Variants in SLCO2B1 observed in about 807,000 individuals in gnomAD.
SLCO2B1 encodes solute carrier organic anion transporter family member 2B1.
In SLCO2B1, 41 loss-of-function variants were observed where a neutral mutation model predicts 67.3. That is an observed-to-expected ratio of 0.61 (90% CI 0.47 to 0.79). The LOEUF (loss-of-function observed/expected upper bound fraction) is 0.79. Ranked by LOEUF, SLCO2B1 falls within the 30% of genes least tolerant of loss-of-function variation. The pLI is 0.00. For synonymous variants in SLCO2B1, 379 were observed against 381.4 expected (o/e 0.99, Z 0.07); for missense variants, 837 against 920.1 (o/e 0.91, Z 1.17).
chr11:75,180,998 T>G (rs989235348), intron 7 of SLCO2B1, among the ~76,000 whole-genome samples: 3 of 152,210 alleles, frequency 2.0e-5, no homozygotes, highest in African/African-American at 7.2e-5. Flanking sequence ...TTGATACCAT[T>G]GAGCCATTTA....
chr11:75,161,902 A>G (rs1949825875), intron 1 of SLCO2B1, among the ~76,000 whole-genome samples: 1 of 152,134 alleles, frequency 6.6e-6, no homozygotes, highest in African/African-American at 2.4e-5. Flanking sequence ...TGGTTACCAT[A>G]GTTACCATGT....
rs764144223 is a variant in SLCO2B1, at chr11:75,193,563, C to T, written c.1421C>T (p.Thr474Ile). The T allele has an allele frequency of 4.2e-5, 65 of 1,555,072 alleles. No individual in the cohort carries two copies. The highest frequency in any genetic ancestry group is 5.4e-5 in the Non-Finnish European group (62 of 1,149,962). ...GCSSHQIAGITHQTSAHPGLE... is the reference protein window; with the variant it reads ...GCSSHQIAGIIHQTSAHPGLE... Reference sequence around the variant, plus strand: ...TCCAGCCACCAGATTGCGGGCATCACACACCAGACCAGGTGAGTGTGTGCG... The same window carrying T: ...TCCAGCCACCAGATTGCGGGCATCATACACCAGACCAGGTGAGTGTGTGCG... Residue 474 changes from threonine to isoleucine, a missense_variant, in exon 9 of 14, where the codon ACA (threonine) becomes ATA (isoleucine). Transcript: ENST00000289575. This position sits in a 1 kb window ranked among gnomAD's most constrained non-coding sequence, Gnocchi z 4.2.
At chr11:75,178,613 C>T (rs1013498521) in intron 7 of SLCO2B1, among the ~76,000 whole-genome samples, 62 of 152,006 alleles carry the variant, frequency 4.1e-4, no homozygotes, top group African/African-American at 1.5e-3. Flanking sequence ...ACATGCCTTA[C>T]CTCACTTACT....
intron 7 of SLCO2B1, among the ~76,000 whole-genome samples, chr11:75,175,156 G>A (rs143842743): frequency 1.3e-5 from 2 of 152,260 alleles, no homozygotes; most frequent in African/African-American, 4.8e-5. Flanking sequence ...GGGGTGAGAG[G>A]TTCTTTAAAA....
In SLCO2B1 at chr11:75,193,318, C is replaced by T. The variant is rs774479653; in HGVS notation, c.1176C>T (p.Thr392=). 7 of 1,613,992 alleles carry T rather than the reference C, an allele frequency of 4.3e-6. No homozygotes were observed. The highest frequency in any genetic ancestry group is 1.7e-5 in the Admixed American group (1 of 60,002). ...CLSSMAAGMA[T]FLPKFLERQF... ...CATCCATGGCTGCGGGCATGGCCAC[C>T]TTCCTGCCCAAGTTCCTGGAGCGCC... The change falls in exon 9 of 14, where the codon ACC becomes ACT. Residue 392 remains threonine, a synonymous_variant. Coordinates refer to ENST00000289575, the MANE Select transcript of SLCO2B1 (RefSeq NM_007256.5). The surrounding 1 kb of genome is among the most constrained non-coding windows in gnomAD (Gnocchi z 4.2).
In SLCO2B1 at chr11:75,203,332, C is replaced by T. The variant is rs756488805; in HGVS notation, c.1854C>T (p.His618=). Residue 618 remains histidine, a synonymous_variant, in exon 13 of 14, where the codon CAC becomes CAT. Transcript: ENST00000289575. ...ILAWMPSPVI[H]GSAIDTTCVH... is the part of the protein sequence containing the mutation. ...CCTGGATGCCCAGCCCCGTGATCCA[C>T]GGCAGCGCCATCGACACCACCTGTG... 3.8e-5 allele frequency: 61 copies of T among 1,613,874 alleles called. No homozygotes were observed. The highest frequency in any genetic ancestry group is 1.5e-4 in the South Asian group (14 of 91,096).
intron 7 of SLCO2B1, among the ~76,000 whole-genome samples, chr11:75,182,678 G>A (rs2140326887): frequency 1.3e-5 from 2 of 152,162 alleles, no homozygotes; most frequent in Non-Finnish European, 2.9e-5. Context: ...GGAGGCAGAG[G>A]TTGCAGTGAG....
At chr11:75,184,502 T>C (rs1299928078) in intron 7 of SLCO2B1, among the ~76,000 whole-genome samples, 3 of 152,228 alleles carry the variant, frequency 2.0e-5, no homozygotes, top group Non-Finnish European at 4.4e-5. Flanking sequence ...GCAAAGGTCC[T>C]GTGTCTTACA....
At chr11:75,178,278 A>G (rs1950051404) in intron 7 of SLCO2B1, among the ~76,000 whole-genome samples, 1 of 152,122 alleles carries the variant, frequency 6.6e-6, no homozygotes, top group African/African-American at 2.4e-5. Context: ...GTATAACCAT[A>G]ACATCTGCAT....
intron 7 of SLCO2B1, among the ~76,000 whole-genome samples, chr11:75,176,863 C>A (rs1415713281): frequency 6.6e-6 from 1 of 152,144 alleles, no homozygotes; most frequent in Non-Finnish European, 1.5e-5. Context: ...GCGTCTAGAC[C>A]CTGCTGCATC....
In SLCO2B1 at chr11:75,170,126, T is replaced by C. The variant is rs147992378; in HGVS notation, c.781+362T>C. 1,137 of 240,792 alleles carry C rather than the reference T, an allele frequency of 4.7e-3. 6 individuals carry two copies. The highest frequency in any genetic ancestry group is 8.0e-3 in the Middle Eastern group (5 of 628). The allele number at this position is 240,792 out of a possible 1,614,324, so 14.9% of individuals were successfully genotyped here. On this transcript the variant is annotated intron_variant, in intron 6 of 13. Coordinates refer to ENST00000289575, the MANE Select transcript of SLCO2B1 (RefSeq NM_007256.5). ...CTGTGGGGCAGGTGGAAGAGCATAC[T>C]CTCTTGCCTGTAGGGAGCCCCTGTT...
chr11:75,166,543 T>G (rs1358697859), intron 4 of SLCO2B1, among the ~76,000 whole-genome samples: 1 of 152,054 alleles, frequency 6.6e-6, no homozygotes, highest in East Asian at 1.9e-4. Context: ...CTTTATTCCT[T>G]CCCTCTCCTA....
At chr11:75,178,093 C>CAAA (rs71804511) in intron 7 of SLCO2B1, among the ~76,000 whole-genome samples, 67 of 84,384 alleles carry the variant, frequency 7.9e-4, no homozygotes, top group African/African-American at 2.4e-3. Context: ...GATTCCATCT[C>CAAA]AAAAAAAAAA....
chr11:75,174,237 T>C (rs1565539353), intron 7 of SLCO2B1, among the ~76,000 whole-genome samples: 1 of 152,264 alleles, frequency 6.6e-6, no homozygotes, highest in Admixed American at 6.5e-5. Context: ...TGAGAAATCA[T>C]AGACAATCAT....
intron 13 of SLCO2B1, 185 bp from the exon 14 acceptor site, chr11:75,204,215 A>G: frequency 1.8e-6 from 1 of 551,166 alleles, no homozygotes; most frequent in Admixed American, 3.4e-5. Context: ...GAAGATGGCC[A>G]GGCCTCTGCT....
intron 10 of SLCO2B1, 188 bp from the exon 11 acceptor site, chr11:75,200,036 C>G (rs922352407): frequency 1.8e-6 from 1 of 569,982 alleles, no homozygotes; most frequent in African/African-American, 1.9e-5. Context: ...ACATAGACAG[C>G]CCTTGAGGTG....
chr11:75,156,093 TAGACACTGCTCACTCACTTACAGAGA>T, intron 1 of SLCO2B1, among the ~76,000 whole-genome samples: 1 of 152,226 alleles, frequency 6.6e-6, no homozygotes, highest in Non-Finnish European at 1.5e-5. Flanking sequence ...CACTGGGAGA[TAGACACTGCTCACTCACTTACAGAGA>T]AGAAAACAGG....
At chr11:75,188,055 C>T in intron 7 of SLCO2B1, 81 bp from the exon 8 acceptor site, 1 of 899,468 alleles carries the variant, frequency 1.1e-6, no homozygotes, top group Non-Finnish European at 1.8e-6. Flanking sequence ...TCTCCAAGAC[C>T]TCTCCTCCCC....
chr11:75,155,974 G>A (rs1009774861), intron 1 of SLCO2B1, among the ~76,000 whole-genome samples: 2 of 152,156 alleles, frequency 1.3e-5, no homozygotes, highest in Non-Finnish European at 2.9e-5. Flanking sequence ...TTGGGACTGA[G>A]CCTGTACTCA....
Sources: allele counts gnomAD v4.1 joint callset (sites outside exome capture counted in the v4.1 genomes callset), GRCh38; gene constraint gnomAD v4.1.1; non-coding constraint Gnocchi (gnomAD v3.1); transcripts MANE v1.5; gene names NCBI Gene and HGNC (gene_info 2026-07-23, HGNC 2026-07-21).